The following TMEM44 variants were observed in gnomAD, a reference collection of about 807,000 sequenced individuals.
The protein encoded by TMEM44 is transmembrane protein 44.
A neutral mutation model predicts 47.8 loss-of-function variants in TMEM44; 43 were observed. The ratio of observed to expected loss-of-function variants is 0.90; its 90% CI spans 0.70 to 1.16. TMEM44 has a LOEUF of 1.16. Among genes scored for constraint, TMEM44 ranks in the 50% most tolerant of loss-of-function variants. TMEM44 has a pLI of 0.00. For synonymous variants in TMEM44, 277 were observed against 238.8 expected (o/e 1.16, Z -1.48); for missense variants, 568 against 555.2 (o/e 1.02, Z -0.23).
chr3:194,620,380 A>G (rs888608645), intron 5 of TMEM44, among the ~76,000 whole-genome samples: 1 of 151,900 alleles, frequency 6.6e-6, no homozygotes, highest in African/African-American at 2.4e-5. Context: ...TAAGAGAACA[A>G]GGCTGCTCTT....
At chr3:194,628,623 G>C (rs1717436023) in intron 1 of TMEM44, 114 bp from the exon 2 acceptor site, 1 of 1,303,882 alleles carries the variant, frequency 7.7e-7, no homozygotes, top group Non-Finnish European at 1.0e-6. Flanking sequence ...TTCTGCCCGA[G>C]GTATTTAGGA....
chr3:194,598,019 C>T (rs537037580), intron 9 of TMEM44, among the ~76,000 whole-genome samples: 28 of 152,256 alleles, frequency 1.8e-4, no homozygotes, highest in African/African-American at 6.5e-4. Flanking sequence ...GTGAGGCTGA[C>T]GTTGTATTGA....
chr3:194,617,778 T>A (rs1484932028), intron 5 of TMEM44: 2 of 702,608 alleles, frequency 2.8e-6, no homozygotes, highest in Non-Finnish European at 5.2e-6. Flanking sequence ...AGGTGGGGCC[T>A]GGTGGGAGGT....
chr3:194,619,460 C>A (rs1468481685), intron 5 of TMEM44, among the ~76,000 whole-genome samples: 2 of 152,224 alleles, frequency 1.3e-5, no homozygotes, highest in East Asian at 3.8e-4. Flanking sequence ...ATGTAAGGGG[C>A]TGGAGGCAGG....
At chr3:194,613,951 A>T (rs185345562) in intron 7 of TMEM44, among the ~76,000 whole-genome samples, 353 of 151,732 alleles carry the variant, frequency 2.3e-3, no homozygotes, top group African/African-American at 8.3e-3. Flanking sequence ...GGAGAAACCC[A>T]GTCTCTACTA....
chr3:194,605,442 A>G (rs1347806972), intron 8 of TMEM44, among the ~76,000 whole-genome samples: 2 of 152,380 alleles, frequency 1.3e-5, no homozygotes, highest in South Asian at 4.1e-4. Flanking sequence ...AAGAGGTTTA[A>G]TGGACTTACA....
At chr3:194,606,283 C>G (rs1560172499) in intron 8 of TMEM44, among the ~76,000 whole-genome samples, 2 of 152,282 alleles carry the variant, frequency 1.3e-5, no homozygotes, top group South Asian at 2.1e-4. Flanking sequence ...TCCTTAGGAC[C>G]AGTGCTCAGG....
At chr3:194,609,780 C>G (rs1003432996) in intron 8 of TMEM44, among the ~76,000 whole-genome samples, 6 of 152,100 alleles carry the variant, frequency 3.9e-5, no homozygotes, top group African/African-American at 1.4e-4. Flanking sequence ...GCCACACTTC[C>G]TTTTCCTCGG....
At chr3:194,618,506 TAC>T (rs1716186719) in intron 5 of TMEM44, among the ~76,000 whole-genome samples, 1 of 148,352 alleles carries the variant, frequency 6.7e-6, no homozygotes, top group Non-Finnish European at 1.5e-5. Context: ...TTCATATATA[TAC>T]AAATTATATT....
chr3:194,589,356 A>G (rs1712296286), intron 9 of TMEM44: 1 of 152,292 alleles, frequency 6.6e-6, no homozygotes, highest in South Asian at 2.1e-4. Flanking sequence ...GCCTACCTTG[A>G]CCGTGTTAGC....
chr3:194,617,019 T>TGGGGCA (rs1344580197), intron 6 of TMEM44, 80 bp downstream of exon 6: 3 of 1,391,728 alleles, frequency 2.2e-6, no homozygotes, highest in African/African-American at 1.5e-5. Context: ...AAAAGAAGGG[T>TGGGGCA]GGGGCAGGGG....
At chr3:194,619,164 G>T (rs532918801) in intron 5 of TMEM44, among the ~76,000 whole-genome samples, 1 of 152,340 alleles carries the variant, frequency 6.6e-6, no homozygotes, top group South Asian at 2.1e-4. Context: ...TGAACTGCAC[G>T]GGGAAGCCCT....
chr3:194,599,498 T>G (rs9872030), intron 9 of TMEM44, among the ~76,000 whole-genome samples: 2 of 151,910 alleles, frequency 1.3e-5, no homozygotes, highest in Non-Finnish European at 1.5e-5. Context: ...GAGGCGGCCA[T>G]TGGTTGGTAG....
chr3:194,618,918 C>A (rs995899739), intron 5 of TMEM44, among the ~76,000 whole-genome samples: 1 of 152,234 alleles, frequency 6.6e-6, no homozygotes, highest in Non-Finnish European at 1.5e-5. Context: ...CTCCGTGGAG[C>A]AGCCGGCTGG....
At chr3:194,608,862 A>G (rs1715031724) in intron 8 of TMEM44, among the ~76,000 whole-genome samples, 3 of 152,148 alleles carry the variant, frequency 2.0e-5, no homozygotes, top group South Asian at 4.1e-4. Context: ...AGTGTTTTAA[A>G]CAAAGGAGGA....
At chr3:194,616,019 T>TG (rs1715840728) in intron 6 of TMEM44, among the ~76,000 whole-genome samples, 1 of 152,168 alleles carries the variant, frequency 6.6e-6, no homozygotes, top group Admixed American at 6.5e-5. Flanking sequence ...GGTTGAATAG[T>TG]GTCCCTCAAA....
intron 2 of TMEM44, 27 bp from the exon 3 acceptor site, chr3:194,626,017 G>A: frequency 6.5e-7 from 1 of 1,548,166 alleles, no homozygotes; most frequent in Non-Finnish European, 8.9e-7. Flanking sequence ...AGAGAGTCTT[G>A]GCATTCAAGC....
chr3:194,589,603 G>C (rs982093674), intron 9 of TMEM44: 1 of 152,126 alleles, frequency 6.6e-6, no homozygotes, highest in Non-Finnish European at 1.5e-5. Flanking sequence ...GGCACTGCCA[G>C]TGAATAGTTC....
chr3:194,604,228 A>G (rs1278036628), intron 9 of TMEM44, 59 bp downstream of exon 9: 11 of 1,548,188 alleles, frequency 7.1e-6, no homozygotes, highest in Middle Eastern at 3.4e-4. Flanking sequence ...AGGAGCACCC[A>G]GCAAGTGTCG....
Sources: gnomAD v4.1 joint callset for allele counts (sites outside exome capture counted in the v4.1 genomes callset) on GRCh38, gnomAD v4.1.1 for gene constraint, MANE v1.5 for transcripts, NCBI Gene and HGNC (gene_info 2026-07-23, HGNC 2026-07-21) for gene names.